Variants in GEM observed in about 807,000 individuals in gnomAD.
The protein encoded by GEM is GTP-binding protein GEM.
Under a neutral mutation model 33.0 loss-of-function variants are expected in GEM, and 31 were observed. That is an observed-to-expected ratio of 0.94 (90% CI 0.71 to 1.27). GEM has a LOEUF of 1.27. Among genes scored for constraint, GEM ranks in the 50% most tolerant of loss-of-function variants. The probability of loss-of-function intolerance (pLI) is 0.00; values close to 1 mark genes in which losing one functional copy is unlikely to be tolerated. For synonymous variants in GEM, 141 were observed against 143.7 expected (o/e 0.98, Z 0.13); for missense variants, 354 against 390.5 (o/e 0.91, Z 0.79).
chr8:94,252,071 A>C lies in GEM; in HGVS notation c.561T>G (p.Ile187Met). The C allele has an allele frequency of 6.2e-7, 1 of 1,614,146 alleles. No homozygotes were observed. Residue 187 changes from isoleucine to methionine, a missense_variant, in exon 4 of 5, where the codon ATT (isoleucine) becomes ATG (methionine). Coordinates refer to ENST00000297596, the MANE Select transcript of GEM (RefSeq NM_005261.4). ...CTAAGTCACTTTTGTTGCCAACCAA[A>C]ATTATGGGAATGTCCTCTGTCTGCC... ...RARQTEDIPI[I>M]LVGNKSDLVR...
chr8:94,260,184 T>C lies in GEM; in HGVS notation c.320A>G (p.Glu107Gly). 6.3e-7 allele frequency: 1 copy of C among 1,587,824 alleles called. No homozygotes were observed. The highest frequency in any genetic ancestry group is 8.6e-7 in the Non-Finnish European group (1 of 1,157,898). The change falls in exon 2 of 5, where the codon GAG (glutamate) becomes GGG (glycine). Residue 107 changes from glutamate (E) to glycine (G), a missense_variant. Coordinates refer to ENST00000297596, the MANE Select transcript of GEM (RefSeq NM_005261.4). ...GCTGGGACACCTACCTCCCAGCACC[T>C]CGCAGTCGCTGTCCATGCTGTCATG... is the stretch of plus-strand genomic sequence containing the variant. ...GVHDSMDSDC[E>G]VLGEDTYERT...
At chr8:94,254,326 C>T (rs1277123680) in intron 2 of GEM, among the ~76,000 whole-genome samples, 3 of 152,180 alleles carry the variant, frequency 2.0e-5, no homozygotes, top group African/African-American at 7.2e-5. Flanking sequence ...AAAGTTTGTA[C>T]AGTGAACGAA....
At position 94,260,154 on chromosome 8, in the gene GEM, C is replaced by T; in HGVS notation, c.331+19G>A. Reference sequence around the variant, plus strand: ...GCCACCCCTGGTGGAAAGAAGCCCACTGGGGCTGGGACACCTACCTCCCAG... The same window carrying T: ...GCCACCCCTGGTGGAAAGAAGCCCATTGGGGCTGGGACACCTACCTCCCAG... On this transcript the variant is annotated intron_variant, in intron 2 of 4. Transcript: ENST00000297596. 1 of 1,531,440 alleles carries T rather than the reference C, an allele frequency of 6.5e-7. No homozygotes were observed. The highest frequency in any genetic ancestry group is 9.0e-7 in the Non-Finnish European group (1 of 1,111,142). The allele number at this position is 1,531,440 out of a possible 1,614,324, so 94.9% of individuals were successfully genotyped here. A position where few individuals can be genotyped will look rare whatever the true frequency, so the allele number is the denominator to read the frequency against.
rs765472126 is a variant in GEM at position 94,260,278 on chromosome 8, A to G, written c.226T>C (p.Tyr76His). Residue 76 changes from tyrosine to histidine, a missense_variant, in exon 2 of 5, where the codon TAC becomes CAC. Transcript: ENST00000297596. ...TGCTCCCCTATGAGCACCACTCGGTAGTAGGTGTTCCCTGACTCAGAGGAG... is the reference window on the plus strand; with the variant it reads ...TGCTCCCCTATGAGCACCACTCGGTGGTAGGTGTTCCCTGACTCAGAGGAG... ...VISSESGNTYYRVVLIGEQGV... is the reference protein window; with the variant it reads ...VISSESGNTYHRVVLIGEQGV... 4.3e-6 allele frequency: 7 copies of G among 1,613,602 alleles called. No individual in the cohort carries two copies. The highest frequency in any genetic ancestry group is 5.9e-6 in the Non-Finnish European group (7 of 1,179,586).
chr8:94,261,588 C>T (rs908336896), intron 1 of GEM, among the ~76,000 whole-genome samples: 2 of 152,090 alleles, frequency 1.3e-5, no homozygotes, highest in Non-Finnish European at 2.9e-5. Flanking sequence ...GTCTCGAACT[C>T]CTGGGGTCAA....
intron 3 of GEM, 71 bp from the exon 4 acceptor site, chr8:94,252,294 C>G (rs2129753709): frequency 4.8e-6 from 5 of 1,032,954 alleles, no homozygotes; most frequent in South Asian, 1.3e-5. Context: ...TGCAAAGAAA[C>G]AATATGTGTA....
At chr8:94,259,980 T>A (rs887554855) in intron 2 of GEM, 193 bp downstream of exon 2, 15 of 509,026 alleles carry the variant, frequency 2.9e-5, no homozygotes, top group Non-Finnish European at 5.2e-5. Flanking sequence ...ATTTTGGTCC[T>A]GTCTACAAGC....
intron 3 of GEM, 42 bp downstream of exon 3, chr8:94,252,994 G>A (rs1453068701): frequency 8.8e-7 from 1 of 1,133,230 alleles, no homozygotes; most frequent in East Asian, 2.3e-5. Context: ...TTGTTGAAAG[G>A]AAAGCCCTAA....
At chr8:94,255,783 T>A (rs1808879409) in intron 2 of GEM, among the ~76,000 whole-genome samples, 1 of 152,088 alleles carries the variant, frequency 6.6e-6, no homozygotes, top group South Asian at 2.1e-4. Flanking sequence ...CACCCCTACT[T>A]CTCCAGTGCA....
intron 2 of GEM, among the ~76,000 whole-genome samples, chr8:94,257,701 C>T (rs893664936): frequency 6.6e-6 from 1 of 152,172 alleles, no homozygotes; most frequent in African/African-American, 2.4e-5. Flanking sequence ...CTGTGCTATA[C>T]ATTCAGTAAC....
intron 3 of GEM, among the ~76,000 whole-genome samples, chr8:94,252,626 T>C (rs1808802321): frequency 6.6e-6 from 1 of 151,802 alleles, no homozygotes; most frequent in Non-Finnish European, 1.5e-5. Flanking sequence ...ACTAGGAGGG[T>C]TTTCAATTAA....
rs190907564 is a variant in GEM, at chr8:94,250,483, G to A, written c.718C>T (p.Arg240Cys). ...TTCTCCTTGCTGTCCCGCCGAAGGC[G>A]CACCTGTCGCACAATGCCCTCAAAC... The part of the protein sequence containing the change: ...ELFEGIVRQV[R>C]LRRDSKEKNE... Residue 240 changes from arginine to cysteine, a missense_variant, in exon 5 of 5, where the codon CGC becomes TGC. Arg to Cys is a radical substitution (Grantham distance 180). Transcript: ENST00000297596. The A allele has an allele frequency of 7.7e-5, 124 of 1,614,194 alleles. No individual in the cohort carries two copies. In the African/African-American group the frequency reaches 1.3e-3, roughly 16 times the overall value.
Position 94,250,549 on chromosome 8 carries a change from T to A in GEM, c.652A>T (p.Ile218Phe). ...TGCTGGACAGCTGCAGAGGTCTCGA[T>A]GAACTTGCAGTCAAACACCACTGCA... ...ACAVVFDCKF[I>F]ETSAAVQHNV... is the part of the protein sequence containing the mutation. The change falls in exon 5 of 5, where the codon ATC becomes TTC. Residue 218 changes from isoleucine to phenylalanine, a missense_variant. Physicochemically the swap from Ile to Phe is conservative, Grantham distance 21. Transcript: ENST00000297596. 6.2e-7 allele frequency: 1 copy of A among 1,614,126 alleles called. No individual in the cohort carries two copies. The highest frequency in any genetic ancestry group is 1.1e-5 in the South Asian group (1 of 91,068).
chr8:94,259,794 G>C (rs966887885), intron 2 of GEM: 12 of 175,868 alleles, frequency 6.8e-5, no homozygotes, highest in Non-Finnish European at 7.2e-5. Flanking sequence ...CTTGTTTTAG[G>C]TATAACCATG....
In GEM at chr8:94,260,359, TAGC is replaced by T. The variant is rs1480798540; in HGVS notation, c.142_144del (p.Ala48del). ...CTTCGGCGGCAGTGGTCCTCAGGGGTAGCAGAATGGCGGTTGCGGTGGCTGTAC... is the reference window on the plus strand; with the variant it reads ...CTTCGGCGGCAGTGGTCCTCAGGGGTAGAATGGCGGTTGCGGTGGCTGTAC... On this transcript the variant is annotated inframe_deletion, in exon 2 of 5. Coordinates refer to ENST00000297596, the MANE Select transcript of GEM (RefSeq NM_005261.4). The T allele has an allele frequency of 1.2e-6, 2 of 1,614,016 alleles. No individual in the cohort carries two copies. Among genetic ancestry groups the T allele is most frequent in the African/African-American group, 2.7e-5 (2 of 74,916 alleles).
chr8:94,261,826 C>T (rs1809028663), intron 1 of GEM, among the ~76,000 whole-genome samples: 1 of 152,134 alleles, frequency 6.6e-6, no homozygotes, highest in Non-Finnish European at 1.5e-5. Flanking sequence ...GCAAGATGCA[C>T]AAACACTCCT....
intron 2 of GEM, among the ~76,000 whole-genome samples, chr8:94,254,272 T>G (rs999369445): frequency 6.6e-6 from 1 of 152,222 alleles, no homozygotes; most frequent in Non-Finnish European, 1.5e-5. Flanking sequence ...ATCTATGCTG[T>G]TTACTGTGTC....
chr8:94,255,773 CACCCCTACTTCT>C (rs1808879208), intron 2 of GEM, among the ~76,000 whole-genome samples: 1 of 152,156 alleles, frequency 6.6e-6, no homozygotes, highest in Non-Finnish European at 1.5e-5. Context: ...GGTCTGGAGA[CACCCCTACTTCT>C]CCAGTGCACT....
intron 2 of GEM, 118 bp from the exon 3 acceptor site, chr8:94,253,230 T>A: frequency 1.5e-6 from 1 of 665,826 alleles, no homozygotes; most frequent in Non-Finnish European, 2.7e-6. Context: ...ATTAATTATG[T>A]AAGTATACAG....
Sources: allele counts gnomAD v4.1 joint callset (sites outside exome capture counted in the v4.1 genomes callset), GRCh38; gene constraint gnomAD v4.1.1; transcripts MANE v1.5; gene names NCBI Gene and HGNC (gene_info 2026-07-23, HGNC 2026-07-21).